COQ5: variants seen among roughly 807,000 people sequenced by gnomAD.
The protein encoded by COQ5 is coenzyme Q5, methyltransferase.
COQ5 carries 27 observed loss-of-function variants against 40.5 expected under a neutral mutation model. The observed-to-expected ratio is 0.67, with a 90% CI of 0.49 to 0.92. The LOEUF (loss-of-function observed/expected upper bound fraction) is 0.92, where lower values mean the gene tolerates loss of function less well. Among genes scored for constraint, COQ5 ranks in the 40% least tolerant of loss-of-function variants. The pLI, the probability that COQ5 is intolerant of heterozygous loss-of-function variation, is 0.00. For missense variants in COQ5, 409 were observed against 406.4 expected, an observed-to-expected ratio of 1.01 and a Z score of -0.06; for synonymous variants, 141 against 150.0, an observed-to-expected ratio of 0.94 and a Z score of 0.44.
At chr12:120,518,426 C>CAA (rs1216184668) in intron 2 of COQ5, among the ~76,000 whole-genome samples, 81 of 71,376 alleles carry the variant, frequency 1.1e-3, no homozygotes, top group Middle Eastern at 8.9e-3. Context: ...AGACCGTTTC[C>CAA]AAAAAAAAAA....
chr12:120,527,552 A>C (rs910251320), intron 1 of COQ5, among the ~76,000 whole-genome samples: 3 of 152,144 alleles, frequency 2.0e-5, no homozygotes, highest in Non-Finnish European at 4.4e-5. Context: ...GTCTTGCATT[A>C]CTGTGCACAG....
intron 1 of COQ5, among the ~76,000 whole-genome samples, chr12:120,525,729 C>G (rs560893756): frequency 2.0e-4 from 31 of 151,838 alleles, no homozygotes; most frequent in Non-Finnish European, 5.9e-5. Flanking sequence ...TCGAGACCAT[C>G]CTAGCTAACA....
rs750635722 is a variant in COQ5 at position 120,510,079 on chromosome 12, C to T, written c.619G>A (p.Asp207Asn). 7 of 1,614,068 alleles carry T rather than the reference C, an allele frequency of 4.3e-6. No individual in the cohort carries two copies. In the South Asian group the frequency reaches 5.5e-5, roughly 13 times the overall value. ...ATGGTGTAAATATCAAACTTGTCAT[C>T]ATCAAAGGGCAGTTCTTCAGCATCT... The part of the protein sequence containing the change: ...LGDAEELPFD[D>N]DKFDIYTIAF... Residue 207 changes from aspartate to asparagine, a missense_variant, in exon 4 of 7, where the codon GAT (aspartate) becomes AAT (asparagine). By Grantham distance (23) the Asp-to-Asn change is conservative. Transcript: ENST00000288532.
intron 1 of COQ5, among the ~76,000 whole-genome samples, chr12:120,525,514 G>C (rs1225321765): frequency 2.6e-5 from 4 of 152,172 alleles, no homozygotes; most frequent in African/African-American, 9.7e-5. Flanking sequence ...TACTCGGGGG[G>C]CTAATGGGAG....
intron 1 of COQ5, chr12:120,522,837 T>C: frequency 1.5e-6 from 1 of 687,090 alleles, no homozygotes; most frequent in South Asian, 1.7e-5. Flanking sequence ...GGCAAGTGGA[T>C]CGAGCTTGCG....
At chr12:120,514,973 G>T (rs994919160) in intron 3 of COQ5, among the ~76,000 whole-genome samples, 1 of 152,044 alleles carries the variant, frequency 6.6e-6, no homozygotes, top group African/African-American at 2.4e-5. Context: ...TGTATTTTTA[G>T]TAGAGACAGG....
intron 4 of COQ5, chr12:120,509,743 C>G (rs764003653): frequency 2.4e-6 from 1 of 410,206 alleles, no homozygotes; most frequent in Admixed American, 3.6e-5. Flanking sequence ...TAAACATTAT[C>G]TTTTTTAAGA....
intron 2 of COQ5, among the ~76,000 whole-genome samples, chr12:120,519,158 T>C (rs192899053): frequency 1.3e-5 from 2 of 152,242 alleles, no homozygotes; most frequent in South Asian, 2.1e-4. Context: ...CATGTCCTTA[T>C]TGGGAAGAAA....
chr12:120,524,401 C>T (rs775656720), intron 1 of COQ5, among the ~76,000 whole-genome samples: 9 of 152,164 alleles, frequency 5.9e-5, no homozygotes, highest in Non-Finnish European at 1.3e-4. Flanking sequence ...GCTGGGACTA[C>T]AGGCACTCGC....
intron 4 of COQ5, among the ~76,000 whole-genome samples, chr12:120,505,343 G>C (rs1868831775): frequency 6.6e-6 from 1 of 151,968 alleles, no homozygotes; most frequent in Non-Finnish European, 1.5e-5. Flanking sequence ...TCTACTGTGG[G>C]AATGACATGT....
intron 3 of COQ5, among the ~76,000 whole-genome samples, chr12:120,510,458 C>T (rs1273577281): frequency 6.6e-6 from 1 of 152,042 alleles, no homozygotes; most frequent in East Asian, 1.9e-4. Context: ...TATAGGCACA[C>T]ACCACCCTGC....
chr12:120,528,954 T>A lies in COQ5; in HGVS notation c.188A>T (p.Glu63Val). ...GCCCCTTTCACCTTTGCCCCCCTTCTCCTCTTCCGACACAGTCTCAAACCC... is the reference window on the plus strand; with the variant it reads ...GCCCCTTTCACCTTTGCCCCCCTTCACCTCTTCCGACACAGTCTCAAACCC... Reference protein sequence around the residue: ...HFGFETVSEEEKGGKVYQVFE... With the variant: ...HFGFETVSEEVKGGKVYQVFE... The change falls in exon 1 of 7, where the codon GAG becomes GTG. Residue 63 changes from glutamate to valine, a missense_variant. Coordinates refer to ENST00000288532, the MANE Select transcript of COQ5 (RefSeq NM_032314.4). 1.2e-6 allele frequency: 2 copies of A among 1,613,994 alleles called. No individual in the cohort carries two copies. The highest frequency in any genetic ancestry group is 4.5e-5 in the East Asian group (2 of 44,880).
At chr12:120,522,660 T>C (rs1271703239) in intron 1 of COQ5, 2 of 657,906 alleles carry the variant, frequency 3.0e-6, no homozygotes, top group African/African-American at 3.6e-5. Flanking sequence ...GACAGAGATA[T>C]CTACTCTGAA....
chr12:120,524,534 A>C (rs1869848206), intron 1 of COQ5, among the ~76,000 whole-genome samples: 1 of 152,154 alleles, frequency 6.6e-6, no homozygotes, highest in Non-Finnish European at 1.5e-5. Flanking sequence ...TGCTAGGATT[A>C]TAGGCGTGAG....
Position 120,506,329 on chromosome 12 carries a change from G to GA in COQ5, c.682-1347dup, listed in dbSNP as rs1189247019. On this transcript the variant is annotated intron_variant, in intron 4 of 6. Transcript: ENST00000288532. Reference sequence around the variant, plus strand: ...AGCTGACCTTCTAGAGAGATCAGGAGAAAGAGATACAGTCAATTTCTCCAA... The same window carrying GA: ...AGCTGACCTTCTAGAGAGATCAGGAGAAAAGAGATACAGTCAATTTCTCCAA... Among the ~76,000 whole-genome samples, 4 of 151,928 alleles carry GA rather than the reference G, an allele frequency of 2.6e-5. No homozygotes were observed. The South Asian group carries it at 6.2e-4, about 24-fold the overall frequency.
At chr12:120,521,272 G>A (rs2137090045) in intron 2 of COQ5, among the ~76,000 whole-genome samples, 1 of 151,650 alleles carries the variant, frequency 6.6e-6, no homozygotes, top group Admixed American at 6.6e-5. Context: ...TCACCATGTT[G>A]GCCAGTCTGG....
rs745726486 is a variant in COQ5 at position 120,528,953 on chromosome 12, C to G, written c.189G>C (p.Glu63Asp). 26 of 1,614,050 alleles carry G rather than the reference C, an allele frequency of 1.6e-5. No individual in the cohort carries two copies. The Admixed American group carries it at 4.0e-4, about 25-fold the overall frequency. The change falls in exon 1 of 7, where the codon GAG becomes GAC. Residue 63 changes from glutamate to aspartate, a missense_variant. Transcript: ENST00000288532. Reference protein sequence around the residue: ...HFGFETVSEEEKGGKVYQVFE... With the variant: ...HFGFETVSEEDKGGKVYQVFE... Reference sequence around the variant, plus strand: ...CGCCCCTTTCACCTTTGCCCCCCTTCTCCTCTTCCGACACAGTCTCAAACC... The same window carrying G: ...CGCCCCTTTCACCTTTGCCCCCCTTGTCCTCTTCCGACACAGTCTCAAACC...
rs1449903197 is a variant in COQ5, at chr12:120,510,141, T to C, written c.575-18A>G. Reference sequence around the variant, plus strand: ...TGCAAGTCCTGAAAGAGAAAGTGAGTTCCGGGTCTCAGTGTGGGTAGCTGT... The same window carrying C: ...TGCAAGTCCTGAAAGAGAAAGTGAGCTCCGGGTCTCAGTGTGGGTAGCTGT... On this transcript the variant is annotated intron_variant, in intron 3 of 6. Transcript: ENST00000288532. The C allele has an allele frequency of 1.9e-6, 3 of 1,590,374 alleles. No homozygotes were observed. Among genetic ancestry groups the C allele is most frequent in the East Asian group, 2.2e-5 (1 of 44,744 alleles).
At chr12:120,507,531 G>A (rs1311962680) in intron 4 of COQ5, among the ~76,000 whole-genome samples, 6 of 149,314 alleles carry the variant, frequency 4.0e-5, no homozygotes, top group African/African-American at 7.3e-5. Context: ...TGATCCACCC[G>A]CCTCGGCCTC....
Sources: allele counts gnomAD v4.1 joint callset (sites outside exome capture counted in the v4.1 genomes callset), GRCh38; gene constraint gnomAD v4.1.1; transcripts MANE v1.5; gene names NCBI Gene and HGNC (gene_info 2026-07-23, HGNC 2026-07-21).